The following ARHGAP10 variants were observed in gnomAD, a reference collection of about 807,000 sequenced individuals.
ARHGAP10 encodes rho GTPase-activating protein 10.
Under a neutral mutation model 108.6 loss-of-function variants are expected in ARHGAP10, and 87 were observed. The ratio of observed to expected loss-of-function variants is 0.80; its 90% CI spans 0.67 to 0.96. The LOEUF (loss-of-function observed/expected upper bound fraction) is 0.96, where lower values mean the gene tolerates loss of function less well. Ranked by LOEUF, ARHGAP10 falls within the 40% of genes least tolerant of loss-of-function variation. The pLI is 0.00. For synonymous variants in ARHGAP10, 347 were observed against 341.1 expected (o/e 1.02, Z -0.19); for missense variants, 939 against 954.5 (o/e 0.98, Z 0.21).
At chr4:147,998,248 G>T (rs2149641963) in intron 18 of ARHGAP10, among the ~76,000 whole-genome samples, 1 of 152,194 alleles carries the variant, frequency 6.6e-6, no homozygotes, top group Non-Finnish European at 1.5e-5. Flanking sequence ...GGGAGAGAGG[G>T]CCTACATGTA....
At chr4:147,732,818 C>T (rs190439396) in intron 1 of ARHGAP10, among the ~76,000 whole-genome samples, 284 of 152,348 alleles carry the variant, frequency 1.9e-3, no homozygotes, top group African/African-American at 6.4e-3. Flanking sequence ...CCTAAAGCTA[C>T]TCACAATCTC....
intron 18 of ARHGAP10, among the ~76,000 whole-genome samples, chr4:147,969,324 CTTTTTTT>C (rs61078731): frequency 3.2e-5 from 3 of 93,830 alleles, no homozygotes; most frequent in East Asian, 3.1e-4. Context: ...TTTGTTTTGC[CTTTTTTT>C]TTTTTTTTTT....
chr4:147,866,530 A>G, intron 6 of ARHGAP10, 182 bp from the exon 7 acceptor site: 1 of 520,454 alleles, frequency 1.9e-6, no homozygotes, highest in Non-Finnish European at 3.4e-6. Flanking sequence ...ATCATTTTCT[A>G]TAAAGACCAA....
In ARHGAP10 at chr4:147,741,800, A is replaced by ATG. The variant is rs142668525; in HGVS notation, c.154+9345_154+9346insTG. On this transcript the variant is annotated intron_variant, in intron 1 of 22. Coordinates refer to ENST00000336498, the MANE Select transcript of ARHGAP10 (RefSeq NM_024605.4). ...CACACACACACACACACGCACACAC[A>ATG]CACACACACACACACACACACACAC... Among the ~76,000 whole-genome samples the ATG allele has an allele frequency of 1.0e-4, 14 of 139,054 alleles. 1 individual carries two copies. Among genetic ancestry groups the ATG allele is most frequent in the Admixed American group, 9.6e-4 (14 of 14,510 alleles). 91.2% of individuals were successfully genotyped at this position (139,054 alleles called of 152,430 possible).
intron 18 of ARHGAP10, among the ~76,000 whole-genome samples, chr4:147,980,599 A>G (rs993464840): frequency 6.6e-6 from 1 of 152,188 alleles, no homozygotes; most frequent in Admixed American, 6.5e-5. Context: ...GAATTGTTCC[A>G]GTAGGATTGG....
At chr4:147,825,499 G>T (rs1560777644) in intron 3 of ARHGAP10, among the ~76,000 whole-genome samples, 2 of 151,962 alleles carry the variant, frequency 1.3e-5, no homozygotes, top group Non-Finnish European at 2.9e-5. Context: ...AATATAATTT[G>T]CACTCATTCC....
intron 19 of ARHGAP10, among the ~76,000 whole-genome samples, chr4:148,044,289 C>T (rs971537867): frequency 1.1e-4 from 16 of 151,956 alleles, no homozygotes; most frequent in African/African-American, 3.9e-4. Context: ...AACATTAAAC[C>T]CCTGGTCTCC....
chr4:147,859,205 T>A (rs541112950), intron 5 of ARHGAP10, among the ~76,000 whole-genome samples: 110 of 152,322 alleles, frequency 7.2e-4, no homozygotes, highest in African/African-American at 2.5e-3. Context: ...GTCAGTTTAT[T>A]AAAAGTTTTT....
intron 7 of ARHGAP10, among the ~76,000 whole-genome samples, chr4:147,871,098 T>C (rs1734805593): frequency 1.3e-5 from 2 of 152,062 alleles, no homozygotes; most frequent in Admixed American, 6.5e-5. Context: ...TAGCTGGGAC[T>C]ACAGGTGCCC....
intron 4 of ARHGAP10, among the ~76,000 whole-genome samples, chr4:147,856,427 A>G (rs1734083252): frequency 6.6e-6 from 1 of 152,230 alleles, no homozygotes; most frequent in African/African-American, 2.4e-5. Flanking sequence ...TCTTATTGCT[A>G]TACAGGTCGA....
intron 1 of ARHGAP10, among the ~76,000 whole-genome samples, chr4:147,769,918 ACTTCATTGAG>A (rs1730003208): frequency 6.6e-6 from 1 of 152,212 alleles, no homozygotes; most frequent in Non-Finnish European, 1.5e-5. Flanking sequence ...AATAAGGAGT[ACTTCATTGAG>A]CTAAGAATAA....
intron 17 of ARHGAP10, among the ~76,000 whole-genome samples, chr4:147,966,394 G>A (rs1477874630): frequency 2.6e-5 from 4 of 152,220 alleles, no homozygotes; most frequent in Non-Finnish European, 5.9e-5. Context: ...GTGTCTGTAG[G>A]GATTCTGGCA....
At chr4:147,825,129 C>T (rs1221830250) in intron 3 of ARHGAP10, among the ~76,000 whole-genome samples, 3 of 151,968 alleles carry the variant, frequency 2.0e-5, no homozygotes, top group African/African-American at 4.8e-5. Flanking sequence ...GCTAGGGCTG[C>T]GGGAGGACAC....
rs545834767 is a variant in ARHGAP10 at position 147,890,208 on chromosome 4, G to A, written c.1034+8276G>A. Among the ~76,000 whole-genome samples the A allele has an allele frequency of 6.2e-4, 95 of 152,324 alleles. 3 individuals are homozygous for A. The highest frequency in any genetic ancestry group is 5.7e-3 in the Admixed American group (88 of 15,306). On this transcript the variant is annotated intron_variant, in intron 10 of 22. Coordinates refer to ENST00000336498, the MANE Select transcript of ARHGAP10 (RefSeq NM_024605.4). ...GTCTTTTGTTTTCAGAGGTCCATGA[G>A]TTGTTTTAGTACTTTACTATTACTG...
chr4:147,789,991 ATTTTTTTTT>A (rs767313173), intron 1 of ARHGAP10, among the ~76,000 whole-genome samples: 1,953 of 117,836 alleles, frequency 0.017, 53 homozygotes, highest in African/African-American at 0.056. Context: ...TGGTGTGTGG[ATTTTTTTTT>A]TTTTTTTTTT....
intron 1 of ARHGAP10, among the ~76,000 whole-genome samples, chr4:147,816,362 T>C (rs1186713615): frequency 3.9e-5 from 6 of 152,244 alleles, no homozygotes; most frequent in Non-Finnish European, 8.8e-5. Flanking sequence ...AGCTCTGTGC[T>C]CCAGGTTTAT....
chr4:147,769,219 A>C (rs891175225), intron 1 of ARHGAP10, among the ~76,000 whole-genome samples: 4 of 152,160 alleles, frequency 2.6e-5, no homozygotes, highest in African/African-American at 9.7e-5. Flanking sequence ...TACTCAGTAA[A>C]TGTTGAAGAA....
rs200150632 is a variant in ARHGAP10, at chr4:147,955,391, G to C, written c.1450+17G>C. ...TTCCAGCCAGTAAGTATTATGTAAA[G>C]GTATATAGGAACAGTTTTGTAGTTG... is the stretch of plus-strand genomic sequence containing the variant. On this transcript the variant is annotated intron_variant, in intron 16 of 22. Transcript: ENST00000336498. The C allele has an allele frequency of 6.2e-7, 1 of 1,601,228 alleles. No homozygotes were observed. Among genetic ancestry groups the C allele is most frequent in the Non-Finnish European group, 8.5e-7 (1 of 1,171,264 alleles).
chr4:148,034,478 C>T (rs372303938), intron 19 of ARHGAP10, among the ~76,000 whole-genome samples: 43 of 151,544 alleles, frequency 2.8e-4, no homozygotes, highest in African/African-American at 8.0e-4. Flanking sequence ...CCACCACTCC[C>T]GGCTAATTTT....
Sources: allele counts gnomAD v4.1 joint callset (sites outside exome capture counted in the v4.1 genomes callset), GRCh38; gene constraint gnomAD v4.1.1; transcripts MANE v1.5; gene names NCBI Gene and HGNC (gene_info 2026-07-23, HGNC 2026-07-21).